ELAPOR2: variants seen among roughly 807,000 people sequenced by gnomAD.
ELAPOR2 encodes endosome/lysosome-associated apoptosis and autophagy regulator family member 2.
In ELAPOR2, 89 loss-of-function variants were observed where a neutral mutation model predicts 120.7. That is an observed-to-expected ratio of 0.74 (90% CI 0.62 to 0.88). The LOEUF (loss-of-function observed/expected upper bound fraction) is 0.88. Ranked by LOEUF, ELAPOR2 falls within the 40% of genes least tolerant of loss-of-function variation. The probability of loss-of-function intolerance (pLI) is 0.00; values close to 1 mark genes in which losing one functional copy is unlikely to be tolerated. For missense variants in ELAPOR2, 1,134 were observed against 1,251.6 expected (o/e 0.91, Z 1.42); for synonymous variants, 444 against 444.9 (o/e 1.00, Z 0.03).
chr7:86,996,088 A>T (rs1239771846), intron 1 of ELAPOR2, among the ~76,000 whole-genome samples: 1 of 152,146 alleles, frequency 6.6e-6, no homozygotes, highest in Non-Finnish European at 1.5e-5. Flanking sequence ...TAAGAGAGAA[A>T]AGATCTTCCC....
intron 2 of ELAPOR2, among the ~76,000 whole-genome samples, chr7:86,956,896 T>C (rs1167033825): frequency 6.6e-6 from 1 of 152,186 alleles, no homozygotes; most frequent in Non-Finnish European, 1.5e-5. Flanking sequence ...CAACTTTCAA[T>C]TATGCCCTAC....
Position 87,059,474 on chromosome 7 carries a change from A to T in ELAPOR2, c.40T>A (p.Trp14Arg). Residue 14 changes from tryptophan (W) to arginine (R), a missense_variant, in exon 1 of 22, where the codon TGG becomes AGG. Trp to Arg is a moderately radical substitution (Grantham distance 101). Transcript: ENST00000450689. ...RARGPVRGRG[W>R]GRPAEAPRRG... ...CGGGGAGCCTCCGCCGGCCGCCCCC[A>T]GCCCCTGCCCCGTACCGGCCCCCGG... The T allele has an allele frequency of 2.5e-6, 3 of 1,216,224 alleles. No individual in the cohort carries two copies. The highest frequency in any genetic ancestry group is 3.1e-6 in the Non-Finnish European group (3 of 976,404). 75.3% of individuals were successfully genotyped at this position (1,216,224 alleles called of 1,614,324 possible). A position where few individuals can be genotyped will look rare whatever the true frequency, so the allele number is the denominator to read the frequency against.
At chr7:86,958,886 A>G (rs1791589212) in intron 2 of ELAPOR2, among the ~76,000 whole-genome samples, 1 of 152,192 alleles carries the variant, frequency 6.6e-6, no homozygotes, top group African/African-American at 2.4e-5. Context: ...AGGTTTTAAT[A>G]GAGATTGCAT....
intron 2 of ELAPOR2, among the ~76,000 whole-genome samples, chr7:86,963,063 T>A (rs563035798): frequency 6.6e-6 from 1 of 152,284 alleles, no homozygotes; most frequent in African/African-American, 2.4e-5. Flanking sequence ...ACTTGGAAAT[T>A]CAGACTTCAG....
At chr7:86,909,238 C>A (rs1195312864) in intron 16 of ELAPOR2, among the ~76,000 whole-genome samples, 1 of 151,984 alleles carries the variant, frequency 6.6e-6, no homozygotes, top group Non-Finnish European at 1.5e-5. Context: ...ACCTATGAAG[C>A]TTGTTAAAAC....
intron 12 of ELAPOR2, among the ~76,000 whole-genome samples, chr7:86,917,738 T>G (rs1262309298): frequency 6.6e-6 from 1 of 152,046 alleles, no homozygotes; most frequent in Non-Finnish European, 1.5e-5. Context: ...TGTTTAAGTC[T>G]CCTCACATTT....
chr7:86,937,351 A>G (rs1033713060), intron 8 of ELAPOR2, among the ~76,000 whole-genome samples: 30 of 152,252 alleles, frequency 2.0e-4, no homozygotes, highest in African/African-American at 7.0e-4. Context: ...ATTCCCTGAC[A>G]TCTATATATG....
intron 1 of ELAPOR2, among the ~76,000 whole-genome samples, chr7:87,014,868 T>C (rs1793818607): frequency 6.6e-6 from 1 of 152,144 alleles, no homozygotes; most frequent in African/African-American, 2.4e-5. Flanking sequence ...AGTAAATATG[T>C]TTATTATTAT....
chr7:86,967,277 T>G (rs150543764), intron 1 of ELAPOR2, among the ~76,000 whole-genome samples: 3 of 152,066 alleles, frequency 2.0e-5, no homozygotes, highest in South Asian at 2.1e-4. Flanking sequence ...CTGGTCAACA[T>G]GGCGAAACCC....
At chr7:86,939,029 C>A in intron 6 of ELAPOR2, 69 bp from the exon 7 acceptor site, 1 of 1,558,018 alleles carries the variant, frequency 6.4e-7, no homozygotes, top group South Asian at 1.1e-5. Flanking sequence ...GCACCTACTT[C>A]TGCTTCTACC....
intron 1 of ELAPOR2, among the ~76,000 whole-genome samples, chr7:86,977,287 C>T (rs1252976729): frequency 6.6e-6 from 1 of 152,208 alleles, no homozygotes; most frequent in Non-Finnish European, 1.5e-5. Context: ...GGATTAGAAT[C>T]TAAGTGCCTA....
At chr7:86,922,751 T>C (rs1789885447) in intron 10 of ELAPOR2, among the ~76,000 whole-genome samples, 1 of 151,918 alleles carries the variant, frequency 6.6e-6, no homozygotes, top group South Asian at 2.1e-4. Context: ...ATTTGGTTTG[T>C]TTTTACCTTT....
At chr7:87,015,515 T>A (rs1389018236) in intron 1 of ELAPOR2, among the ~76,000 whole-genome samples, 3 of 152,160 alleles carry the variant, frequency 2.0e-5, no homozygotes, top group Non-Finnish European at 2.9e-5. Context: ...TGGCCAGACA[T>A]GGTGGTTCAC....
At chr7:87,041,505 G>C (rs1794784928) in intron 1 of ELAPOR2, among the ~76,000 whole-genome samples, 1 of 152,024 alleles carries the variant, frequency 6.6e-6, no homozygotes, top group Admixed American at 6.6e-5. Context: ...TTCATATCCA[G>C]CCAAACTACT....
In ELAPOR2 at chr7:87,059,453, G is replaced by C; in HGVS notation, c.61C>G (p.Pro21Ala). 8.2e-7 allele frequency: 1 copy of C among 1,225,568 alleles called. No homozygotes were observed. 75.9% of individuals were successfully genotyped at this position (1,225,568 alleles called of 1,614,324 possible). Residue 21 changes from proline to alanine, a missense_variant, in exon 1 of 22, where the codon CCC becomes GCC. By Grantham distance (27) the Pro-to-Ala change is conservative. Transcript: ENST00000450689. ...GRGWGRPAEA[P>A]RRGRSPPWSP... ...CAGGGCGGCGAGCGCCCGCGGCGGG[G>C]AGCCTCCGCCGGCCGCCCCCAGCCC...
intron 1 of ELAPOR2, among the ~76,000 whole-genome samples, chr7:86,981,768 T>C (rs1237770345): frequency 6.6e-6 from 1 of 152,232 alleles, no homozygotes; most frequent in African/African-American, 2.4e-5. Flanking sequence ...GATTTCTGCA[T>C]TTCCAACTAA....
At chr7:86,910,089 G>A in intron 15 of ELAPOR2, 88 bp from the exon 16 acceptor site, 1 of 973,492 alleles carries the variant, frequency 1.0e-6, no homozygotes, top group Non-Finnish European at 1.5e-6. Flanking sequence ...TAGAAGAGCA[G>A]TGGCTCTCTC....
chr7:86,928,159 T>C (rs1790160282), intron 8 of ELAPOR2, among the ~76,000 whole-genome samples: 1 of 151,994 alleles, frequency 6.6e-6, no homozygotes, highest in Admixed American at 6.6e-5. Flanking sequence ...TTTTATGAGT[T>C]GCATCATGAT....
chr7:86,896,315 T>G (rs191879006), intron 19 of ELAPOR2, among the ~76,000 whole-genome samples: 1 of 152,100 alleles, frequency 6.6e-6, no homozygotes, highest in African/African-American at 2.4e-5. Flanking sequence ...CTGGGTTTGA[T>G]GTACAATATA....
Sources: allele counts gnomAD v4.1 joint callset (sites outside exome capture counted in the v4.1 genomes callset), GRCh38; gene constraint gnomAD v4.1.1; transcripts MANE v1.5; gene names NCBI Gene and HGNC (gene_info 2026-07-23, HGNC 2026-07-21).